The following PCDH11Y variants were observed in gnomAD, a reference collection of about 807,000 sequenced individuals.
PCDH11Y encodes protocadherin 11 Y-linked, also known as protocadherin-11 Y-linked.
For synonymous variants in PCDH11Y, 9 were observed against 83.6 expected (o/e 0.11, Z 4.87); for missense variants, 12 against 224.8 (o/e 0.05, Z 6.05).
chrY:5,066,938 C>T, intron 1 of PCDH11Y, among the ~76,000 whole-genome samples: 1 of 32,065 alleles, frequency 3.1e-5, no homozygotes, highest in East Asian at 8.6e-4. Flanking sequence ...TATAGGAATG[C>T]ACCTTTTTAA....
At chrY:5,684,080 A>C (rs2053560979) in intron 4 of PCDH11Y, among the ~76,000 whole-genome samples, 1 of 33,108 alleles carries the variant, frequency 3.0e-5, no homozygotes, top group Non-Finnish European at 7.5e-5. Context: ...AGGGATTAAT[A>C]ACCAGAATAC....
chrY:5,006,073 C>A, intron 1 of PCDH11Y, among the ~76,000 whole-genome samples: 1 of 28,252 alleles, frequency 3.5e-5, no homozygotes, highest in South Asian at 9.0e-4. Context: ...AAATATTTTA[C>A]TTTGGGGAGT....
chrY:5,603,587 C>CA (rs2053474769), intron 4 of PCDH11Y, among the ~76,000 whole-genome samples: 1 of 31,343 alleles, frequency 3.2e-5, no homozygotes, highest in Non-Finnish European at 7.6e-5. Flanking sequence ...TGAAGTTATG[C>CA]GCATCTAGGA....
chrY:5,475,252 C>T (rs2053317647), intron 2 of PCDH11Y, among the ~76,000 whole-genome samples: 1 of 32,981 alleles, frequency 3.0e-5, no homozygotes, highest in Admixed American at 2.8e-4. Context: ...TATTCTTGAT[C>T]TCAGAGGGAA....
chrY:5,340,277 G>C, intron 2 of PCDH11Y, among the ~76,000 whole-genome samples: 1 of 31,838 alleles, frequency 3.1e-5, no homozygotes, highest in Non-Finnish European at 7.6e-5. Flanking sequence ...TCAGCATGTC[G>C]GCTTATCCCA....
chrY:5,673,240 T>A (rs1602958517), intron 4 of PCDH11Y, among the ~76,000 whole-genome samples: 1 of 30,328 alleles, frequency 3.3e-5, no homozygotes, highest in South Asian at 7.6e-4. Flanking sequence ...CAAGAAAAAA[T>A]TTTTTAATCA....
intron 2 of PCDH11Y, among the ~76,000 whole-genome samples, chrY:5,422,170 A>C: frequency 3.2e-5 from 1 of 31,344 alleles, no homozygotes; most frequent in East Asian, 8.2e-4. Flanking sequence ...ATGAGCACAA[A>C]AATATTTGAG....
chrY:5,332,300 C>T, intron 2 of PCDH11Y, among the ~76,000 whole-genome samples: 1 of 33,515 alleles, frequency 3.0e-5, no homozygotes, highest in Non-Finnish European at 7.4e-5. Context: ...ACCCCAACCA[C>T]CTTGGGCACA....
At chrY:5,533,052 C>T (rs2053396886) in intron 3 of PCDH11Y, among the ~76,000 whole-genome samples, 1 of 32,159 alleles carries the variant, frequency 3.1e-5, no homozygotes, top group Non-Finnish European at 7.6e-5. Context: ...AGGATGGTCT[C>T]GAACTCCTGA....
At chrY:5,155,888 A>G in intron 2 of PCDH11Y, among the ~76,000 whole-genome samples, 1 of 24,941 alleles carries the variant, frequency 4.0e-5, no homozygotes, top group Non-Finnish European at 9.3e-5. Flanking sequence ...AGACAGGGGG[A>G]GAAGTTTGGA....
intron 1 of PCDH11Y, among the ~76,000 whole-genome samples, chrY:5,029,241 CTT>C (rs2052584984): frequency 6.3e-5 from 2 of 31,812 alleles, no homozygotes; most frequent in East Asian, 1.7e-3. Flanking sequence ...GGAAAAAACA[CTT>C]ATTTCAATAA....
intron 2 of PCDH11Y, among the ~76,000 whole-genome samples, chrY:5,455,251 A>T (rs2124683172): frequency 3.0e-5 from 1 of 33,582 alleles, no homozygotes; most frequent in African/African-American, 1.2e-4. Context: ...ACATAACAAA[A>T]GTGACATTGA....
intron 2 of PCDH11Y, among the ~76,000 whole-genome samples, chrY:5,450,723 C>G: frequency 3.1e-5 from 1 of 32,513 alleles, no homozygotes; most frequent in Admixed American, 2.8e-4. Flanking sequence ...ACCTGTGAAT[C>G]CATTGATTTT....
At chrY:5,162,700 A>G in intron 2 of PCDH11Y, among the ~76,000 whole-genome samples, 1 of 33,364 alleles carries the variant, frequency 3.0e-5, no homozygotes, top group Non-Finnish European at 7.4e-5. Flanking sequence ...AAAATGTATG[A>G]GAGGTAAAAA....
intron 3 of PCDH11Y, among the ~76,000 whole-genome samples, chrY:5,035,143 G>A (rs2052597311): frequency 3.7e-5 from 1 of 27,211 alleles, no homozygotes; most frequent in Admixed American, 3.8e-4. Flanking sequence ...TCAAAATAAT[G>A]AATACTTATT....
chrY:5,039,800 G>T, intron 3 of PCDH11Y, among the ~76,000 whole-genome samples: 1 of 32,997 alleles, frequency 3.0e-5, no homozygotes, highest in Non-Finnish European at 7.5e-5. Flanking sequence ...AACCGCAAAT[G>T]CATGAAGAAT....
chrY:5,172,296 A>G (rs2052887753), intron 2 of PCDH11Y, among the ~76,000 whole-genome samples: 1 of 31,832 alleles, frequency 3.1e-5, no homozygotes, highest in African/African-American at 1.2e-4. Context: ...ATAGAATATT[A>G]CTAAGAGGAA....
At chrY:5,716,628 A>G (rs2053590181) in intron 4 of PCDH11Y, among the ~76,000 whole-genome samples, 1 of 33,407 alleles carries the variant, frequency 3.0e-5, no homozygotes, top group Non-Finnish European at 7.4e-5. Flanking sequence ...TGAATTAGAA[A>G]AATTAATATT....
intron 4 of PCDH11Y, among the ~76,000 whole-genome samples, chrY:5,662,887 G>A: frequency 9.5e-5 from 3 of 31,687 alleles, no homozygotes; most frequent in African/African-American, 3.7e-4. Flanking sequence ...GCTGAGGGAG[G>A]CTGAGGCAGA....
Sources: gnomAD v4.1 joint callset for allele counts (sites outside exome capture counted in the v4.1 genomes callset) on GRCh38, gnomAD v4.1.1 for gene constraint, MANE v1.5 for transcripts, NCBI Gene and HGNC (gene_info 2026-07-23, HGNC 2026-07-21) for gene names.